The following MEGF9 variants were observed in gnomAD, a reference collection of about 807,000 sequenced individuals.
MEGF9 encodes multiple epidermal growth factor-like domains protein 9.
A neutral mutation model predicts 46.8 loss-of-function variants in MEGF9; 6 were observed. The observed-to-expected ratio is 0.13, with a 90% CI of 0.07 to 0.25. The LOEUF (loss-of-function observed/expected upper bound fraction) is 0.25. MEGF9 is among the 10% of genes least tolerant of loss of function. The pLI, the probability that MEGF9 is intolerant of heterozygous loss-of-function variation, is 1.00. For missense variants in MEGF9, 683 were observed against 792.4 expected (o/e 0.86, Z 1.66); for synonymous variants, 302 against 330.7 (o/e 0.91, Z 0.94).
intron 1 of MEGF9, among the ~76,000 whole-genome samples, chr9:120,678,686 C>G (rs908793366): frequency 2.6e-5 from 4 of 152,192 alleles, no homozygotes; most frequent in African/African-American, 4.8e-5. Context: ...GTTGGCCATG[C>G]TGGTCTCGAA....
intron 2 of MEGF9, among the ~76,000 whole-genome samples, chr9:120,652,152 A>G (rs981266854): frequency 2.1e-4 from 7 of 33,468 alleles, no homozygotes; most frequent in Non-Finnish European, 3.1e-4. Context: ...GCACACACAC[A>G]CACACACACA....
chr9:120,714,466 C>G lies in MEGF9; in HGVS notation c.-108G>C. The G allele has an allele frequency of 2.0e-6, 2 of 1,012,238 alleles. No individual in the cohort carries two copies. Among genetic ancestry groups the G allele is most frequent in the Non-Finnish European group, 2.5e-6 (2 of 793,944 alleles). The allele number at this position is 1,012,238 out of a possible 1,614,324, so 62.7% of individuals were successfully genotyped here. On this transcript the variant is annotated 5_prime_UTR_variant, in exon 1 of 6. Transcript: ENST00000373930. ...CCACCGGGCGCACCATCGCCACCTC[C>G]CTCTGACAGGCGGCCGGCCCCGCGG... is the stretch of plus-strand genomic sequence containing the variant.
At chr9:120,699,486 G>A (rs956613449) in intron 1 of MEGF9, among the ~76,000 whole-genome samples, 8 of 151,896 alleles carry the variant, frequency 5.3e-5, no homozygotes, top group Non-Finnish European at 7.4e-5. Flanking sequence ...GTGAGGCTGC[G>A]ATAGGAAGAT....
At chr9:120,658,864 T>A (rs112163599) in intron 2 of MEGF9, among the ~76,000 whole-genome samples, 3,610 of 152,322 alleles carry the variant, frequency 0.024, 154 homozygotes, top group African/African-American at 0.083. Flanking sequence ...CTCAAAAATG[T>A]ACTGGTAAAT....
chr9:120,646,898 T>A (rs1211090669), intron 2 of MEGF9, among the ~76,000 whole-genome samples: 3 of 152,122 alleles, frequency 2.0e-5, no homozygotes, highest in Non-Finnish European at 4.4e-5. Flanking sequence ...TATTAGCATA[T>A]ATTCAACTAC....
chr9:120,609,629 T>G (rs561127613), intron 4 of MEGF9, among the ~76,000 whole-genome samples: 1 of 152,306 alleles, frequency 6.6e-6, no homozygotes, highest in South Asian at 2.1e-4. Context: ...TCTGTTTCCT[T>G]TTTTATTCTT....
chr9:120,609,373 A>G (rs1244305201), intron 4 of MEGF9, among the ~76,000 whole-genome samples: 1 of 152,208 alleles, frequency 6.6e-6, no homozygotes, highest in Non-Finnish European at 1.5e-5. Flanking sequence ...TCTCAGAAGC[A>G]CAGAAGTTTT....
rs201403181 is a variant in MEGF9 at position 120,714,022 on chromosome 9, A to C, written c.337T>G (p.Ser113Ala). ...TPLWATAGPS[S>A]TTFQAPLGPS... ...CCGAGCGGCGCCTGAAAGGTGGTGG[A>C]AGAGGGTCCAGCAGTCGCCCAAAGA... Residue 113 changes from serine to alanine, a missense_variant, in exon 1 of 6, where the codon TCC (serine) becomes GCC (alanine). By Grantham distance (99) the Ser-to-Ala change is moderately conservative. This residue lies in a region of MEGF9 where 370 missense variants were observed against 371.3 expected (regional missense o/e 1.00). Coordinates refer to ENST00000373930, the MANE Select transcript of MEGF9 (RefSeq NM_001080497.3). 4.0e-4 allele frequency: 551 copies of C among 1,368,616 alleles called. 3 individuals carry two copies. The highest frequency in any genetic ancestry group is 2.4e-3 in the East Asian group (87 of 35,896). 84.8% of individuals were successfully genotyped at this position (1,368,616 alleles called of 1,614,324 possible).
chr9:120,652,590 G>GCACACACA (rs141794570), intron 2 of MEGF9, among the ~76,000 whole-genome samples: 2,317 of 134,190 alleles, frequency 0.017, 54 homozygotes, highest in African/African-American at 0.058. Flanking sequence ...GTGGACACAG[G>GCACACACA]CACACACACA....
At chr9:120,630,878 A>G (rs2043547773) in intron 2 of MEGF9, among the ~76,000 whole-genome samples, 3 of 152,200 alleles carry the variant, frequency 2.0e-5, no homozygotes, top group Non-Finnish European at 4.4e-5. Flanking sequence ...ATATCTGGAT[A>G]TTAGTCTCTT....
At chr9:120,648,963 G>A (rs2043637317) in intron 2 of MEGF9, among the ~76,000 whole-genome samples, 1 of 152,102 alleles carries the variant, frequency 6.6e-6, no homozygotes, top group Non-Finnish European at 1.5e-5. Flanking sequence ...CCTGAGCATG[G>A]GATGGGGCTT....
intron 1 of MEGF9, among the ~76,000 whole-genome samples, chr9:120,699,056 A>T (rs1009027508): frequency 6.6e-6 from 1 of 152,206 alleles, no homozygotes; most frequent in Non-Finnish European, 1.5e-5. Context: ...CACAAGAAAA[A>T]CAGTCACTGA....
At chr9:120,619,705 G>T (rs2043489659) in intron 3 of MEGF9, among the ~76,000 whole-genome samples, 1 of 152,104 alleles carries the variant, frequency 6.6e-6, no homozygotes, top group Non-Finnish European at 1.5e-5. Context: ...TAAGAATTTA[G>T]AATTCTTTCC....
At chr9:120,666,380 C>T (rs1436512640) in intron 1 of MEGF9, among the ~76,000 whole-genome samples, 1 of 152,156 alleles carries the variant, frequency 6.6e-6, no homozygotes, top group African/African-American at 2.4e-5. Flanking sequence ...TCTCAGCACA[C>T]ACAATGCAAA....
At chr9:120,702,252 C>T (rs535533727) in intron 1 of MEGF9, among the ~76,000 whole-genome samples, 3 of 152,254 alleles carry the variant, frequency 2.0e-5, no homozygotes, top group African/African-American at 7.2e-5. Flanking sequence ...CCCTGACTCA[C>T]TTAGACTAAA....
At chr9:120,624,734 G>A (rs1472985774) in intron 2 of MEGF9, among the ~76,000 whole-genome samples, 2 of 152,026 alleles carry the variant, frequency 1.3e-5, no homozygotes, top group African/African-American at 2.4e-5. Context: ...ATTAGTCAGA[G>A]TGGTGGTGTG....
At chr9:120,626,181 ATT>A (rs2043524761) in intron 2 of MEGF9, among the ~76,000 whole-genome samples, 1 of 152,208 alleles carries the variant, frequency 6.6e-6, no homozygotes, top group South Asian at 2.1e-4. Context: ...TTAAGATAAA[ATT>A]TGCTTATCTG....
chr9:120,700,245 T>C (rs979253887), intron 1 of MEGF9, among the ~76,000 whole-genome samples: 1 of 152,230 alleles, frequency 6.6e-6, no homozygotes, highest in Non-Finnish European at 1.5e-5. Flanking sequence ...AATTTAGTTC[T>C]TCTGACTTCG....
At chr9:120,686,750 G>A (rs2043824629) in intron 1 of MEGF9, among the ~76,000 whole-genome samples, 1 of 152,166 alleles carries the variant, frequency 6.6e-6, no homozygotes, top group African/African-American at 2.4e-5. Context: ...ACTTTGCTGT[G>A]AGCCTCAGCT....
Sources: gnomAD v4.1 joint callset for allele counts (sites outside exome capture counted in the v4.1 genomes callset) on GRCh38, gnomAD v4.1.1 for gene constraint, gnomAD v4.1.1 regional missense constraint, MANE v1.5 for transcripts, NCBI Gene and HGNC (gene_info 2026-07-23, HGNC 2026-07-21) for gene names.